Variants in POU6F2 observed in about 807,000 individuals in gnomAD.
The protein encoded by POU6F2 is POU class 6 homeobox 2.
POU6F2 carries 31 observed loss-of-function variants against 71.3 expected under a neutral mutation model. The ratio of observed to expected loss-of-function variants is 0.43; its 90% CI spans 0.33 to 0.59. The LOEUF is 0.59. Ranked by LOEUF, POU6F2 falls within the 20% of genes least tolerant of loss-of-function variation. The probability of loss-of-function intolerance (pLI) is 0.04; values close to 1 mark genes in which losing one functional copy is unlikely to be tolerated. For missense variants in POU6F2, 783 were observed against 856.8 expected (o/e 0.91, Z 1.07); for synonymous variants, 347 against 355.7 (o/e 0.98, Z 0.27).
intron 1 of POU6F2, among the ~76,000 whole-genome samples, chr7:39,030,543 T>TATATAC (rs1491146903): frequency 2.2e-3 from 195 of 87,908 alleles, no homozygotes; most frequent in African/African-American, 4.0e-3. Context: ...TATATATATA[T>TATATAC]ACACACACAT....
At chr7:39,011,012 T>C (rs1789265406) in intron 1 of POU6F2, among the ~76,000 whole-genome samples, 1 of 140,592 alleles carries the variant, frequency 7.1e-6, no homozygotes, top group African/African-American at 2.6e-5. Context: ...TGATTTGGGG[T>C]GGAGAGTTCT....
chr7:39,016,165 T>A (rs1241637413), intron 1 of POU6F2, among the ~76,000 whole-genome samples: 1 of 61,860 alleles, frequency 1.6e-5, no homozygotes, highest in Non-Finnish European at 3.5e-5. Context: ...AGATATAATA[T>A]TATGTATAGA....
chr7:39,127,660 G>A (rs1482434072), intron 2 of POU6F2, among the ~76,000 whole-genome samples: 2 of 151,972 alleles, frequency 1.3e-5, no homozygotes, highest in African/African-American at 4.8e-5. Flanking sequence ...TCACATAAGG[G>A]GACATTTGAG....
At chr7:39,303,952 C>A (rs1218133924) in intron 4 of POU6F2, among the ~76,000 whole-genome samples, 2 of 152,168 alleles carry the variant, frequency 1.3e-5, no homozygotes, top group East Asian at 3.9e-4. Flanking sequence ...TTCAAACTAT[C>A]CCAAATATGG....
chr7:39,361,999 C>T (rs1252791024), intron 5 of POU6F2, among the ~76,000 whole-genome samples: 1 of 152,190 alleles, frequency 6.6e-6, no homozygotes. Flanking sequence ...TAGGACAGTG[C>T]CAGGTCCCCT....
chr7:38,979,599 TGTAA>T (rs1788265819), intron 1 of POU6F2, among the ~76,000 whole-genome samples: 1 of 152,182 alleles, frequency 6.6e-6, no homozygotes, highest in Admixed American at 6.5e-5. Context: ...CCTGTTTCAA[TGTAA>T]GTACTCACTG....
chr7:39,339,392 T>G (rs757237011), intron 4 of POU6F2, among the ~76,000 whole-genome samples: 12 of 152,206 alleles, frequency 7.9e-5, no homozygotes, highest in Non-Finnish European at 1.6e-4. Flanking sequence ...TGGCTTGCAT[T>G]GTTCACCACC....
At chr7:39,224,180 T>C (rs1001571236) in intron 4 of POU6F2, among the ~76,000 whole-genome samples, 7 of 152,112 alleles carry the variant, frequency 4.6e-5, no homozygotes, top group Non-Finnish European at 8.8e-5. Context: ...ATAAAGTCAC[T>C]GGTGCTCATA....
At chr7:39,071,611 C>G (rs1482069927) in intron 1 of POU6F2, among the ~76,000 whole-genome samples, 2 of 150,976 alleles carry the variant, frequency 1.3e-5, no homozygotes, top group African/African-American at 2.4e-5. Context: ...CCCAGGAGTT[C>G]AAGACCAGCC....
intron 5 of POU6F2, among the ~76,000 whole-genome samples, chr7:39,348,343 G>A (rs1786069096): frequency 6.6e-6 from 1 of 152,182 alleles, no homozygotes; most frequent in South Asian, 2.1e-4. Flanking sequence ...GTTTATATTA[G>A]ATGATCTTTA....
intron 5 of POU6F2, among the ~76,000 whole-genome samples, chr7:39,397,071 G>C (rs755045179): frequency 1.3e-5 from 2 of 152,020 alleles, no homozygotes; most frequent in Non-Finnish European, 2.9e-5. Flanking sequence ...GAAGAGCTAG[G>C]TCTTCACCTT....
intron 5 of POU6F2, among the ~76,000 whole-genome samples, chr7:39,391,115 G>A (rs1320798092): frequency 2.0e-5 from 3 of 152,074 alleles, no homozygotes; most frequent in African/African-American, 7.2e-5. Context: ...AAAACATTAT[G>A]AACTTCCATT....
chr7:39,204,566 C>CTT (rs5883678), intron 3 of POU6F2, among the ~76,000 whole-genome samples: 184 of 149,908 alleles, frequency 1.2e-3, no homozygotes, highest in East Asian at 2.4e-3. Context: ...TGTGGAAACA[C>CTT]TTTTTTTTTT....
intron 6 of POU6F2, among the ~76,000 whole-genome samples, chr7:39,412,766 C>G (rs1741292336): frequency 1.5e-5 from 1 of 67,730 alleles, no homozygotes; most frequent in Non-Finnish European, 3.2e-5. Context: ...GTATTAGCTT[C>G]AGTTTTCTTG....
rs549549599 is a variant in POU6F2 at position 39,019,282 on chromosome 7, C to T, written c.105+41224C>T. Reference sequence around the variant, plus strand: ...CACTGCTCTGATGTTTTCTGGCATCCAACATCACTTATGAAATGTCTGAAA... The same window carrying T: ...CACTGCTCTGATGTTTTCTGGCATCTAACATCACTTATGAAATGTCTGAAA... On this transcript the variant is annotated intron_variant, in intron 1 of 9. Coordinates refer to ENST00000518318, the MANE Select transcript of POU6F2 (RefSeq NM_001370959.1). Among the ~76,000 whole-genome samples the T allele has an allele frequency of 2.6e-5, 4 of 152,256 alleles. No homozygotes were observed. The South Asian group carries it at 8.3e-4, about 32-fold the overall frequency.
intron 4 of POU6F2, among the ~76,000 whole-genome samples, chr7:39,246,151 A>T (rs920688676): frequency 6.6e-6 from 1 of 152,148 alleles, no homozygotes; most frequent in Non-Finnish European, 1.5e-5. Flanking sequence ...ATGTTGGTCA[A>T]CCTTTAGGAA....
Position 39,339,731 on chromosome 7 carries a change from A to G in POU6F2, c.688A>G (p.Thr230Ala), listed in dbSNP as rs775133989. 2 of 1,604,426 alleles carry G rather than the reference A, an allele frequency of 1.2e-6. No individual in the cohort carries two copies. The highest frequency in any genetic ancestry group is 2.2e-5 in the South Asian group (2 of 90,266). ...GCAGCAGCAGCAGCCTCCCCCGTCAACCAACCAGCACCCGCAACCAGCCCC... is the reference window on the plus strand; with the variant it reads ...GCAGCAGCAGCAGCCTCCCCCGTCAGCCAACCAGCACCCGCAACCAGCCCC... ...QQQQQQPPPS[T>A]NQHPQPAPQA... The change falls in exon 5 of 10, where the codon ACC becomes GCC. Residue 230 changes from threonine to alanine, a missense_variant. Physicochemically the swap from Thr to Ala is moderately conservative, Grantham distance 58 (BLOSUM62 0). This residue lies in a region of POU6F2 where 572 missense variants were observed against 572.9 expected (regional missense o/e 1.00). Coordinates refer to ENST00000518318, the MANE Select transcript of POU6F2 (RefSeq NM_001370959.1).
intron 2 of POU6F2, among the ~76,000 whole-genome samples, chr7:39,184,770 G>C (rs896664839): frequency 6.6e-6 from 1 of 152,172 alleles, no homozygotes; most frequent in African/African-American, 2.4e-5. Flanking sequence ...CACACCAAAT[G>C]GGTGGGAGAT....
rs1792353052 is a variant in POU6F2 at position 39,134,588 on chromosome 7, C to T, written c.277+48557C>T. ...TCCTGCTGCCAACTTTTGATGACTA[C>T]TTGTATCTATAGCTCAAAGTCCAAA... On this transcript the variant is annotated intron_variant, in intron 2 of 9. Transcript: ENST00000518318. Among the ~76,000 whole-genome samples the T allele has an allele frequency of 1.3e-5, 2 of 152,212 alleles. 1 individual carries two copies. The highest frequency in any genetic ancestry group is 1.3e-4 in the Admixed American group (2 of 15,284).
Sources: allele counts gnomAD v4.1 joint callset (sites outside exome capture counted in the v4.1 genomes callset), GRCh38; gene constraint gnomAD v4.1.1; regional missense constraint gnomAD v4.1.1; transcripts MANE v1.5; gene names NCBI Gene and HGNC (gene_info 2026-07-23, HGNC 2026-07-21).